Variants in SLC30A10 observed in about 807,000 individuals in gnomAD.
SLC30A10 encodes the protein calcium/manganese antiporter SLC30A10.
In SLC30A10, 8 loss-of-function variants were observed where a neutral mutation model predicts 21.7. The observed-to-expected ratio is 0.37, with a 90% CI of 0.22 to 0.67. The LOEUF (loss-of-function observed/expected upper bound fraction) is 0.67, where lower values mean the gene tolerates loss of function less well. SLC30A10 is among the 30% of genes least tolerant of loss of function. The pLI is 0.58. For synonymous variants in SLC30A10, 272 were observed against 279.4 expected (o/e 0.97, Z 0.26); for missense variants, 521 against 642.5 (o/e 0.81, Z 2.04).
At chr1:219,922,190 T>TG (rs1558252142) in intron 2 of SLC30A10, among the ~76,000 whole-genome samples, 569 of 17,216 alleles carry the variant, frequency 0.033, 4 homozygotes, top group Non-Finnish European at 0.056. Flanking sequence ...TTTTTTTTTT[T>TG]TTTTTTTTTT....
chr1:219,949,722 C>T (rs2647476), intron 1 of SLC30A10, among the ~76,000 whole-genome samples: 51,578 of 150,784 alleles, frequency 0.34, 9,203 homozygotes, highest in Non-Finnish European at 0.4. Context: ...GCACATTGTG[C>T]ACATGTACCC....
At chr1:219,950,576 T>C (rs1219451369) in intron 1 of SLC30A10, among the ~76,000 whole-genome samples, 2 of 150,286 alleles carry the variant, frequency 1.3e-5, no homozygotes, top group African/African-American at 2.5e-5. Context: ...GAGGCAGAGT[T>C]TACAGTGAGC....
intron 3 of SLC30A10, among the ~76,000 whole-genome samples, chr1:219,917,073 T>G (rs1659562033): frequency 6.6e-6 from 1 of 151,070 alleles, no homozygotes; most frequent in Non-Finnish European, 1.5e-5. Context: ...AGGGCTCCAG[T>G]GATCCTCCCA....
chr1:219,937,104 CTTAGA>C (rs1309517003), intron 1 of SLC30A10, among the ~76,000 whole-genome samples: 1 of 152,100 alleles, frequency 6.6e-6, no homozygotes, highest in Non-Finnish European at 1.5e-5. Flanking sequence ...ATGAGCAAAA[CTTAGA>C]TTAGATGGGT....
chr1:219,946,432 G>C (rs911880401), intron 1 of SLC30A10, among the ~76,000 whole-genome samples: 16 of 152,308 alleles, frequency 1.1e-4, no homozygotes, highest in Admixed American at 8.5e-4. Context: ...TGTTCATCTA[G>C]TCCTTCCAGG....
In SLC30A10 at chr1:219,946,830, C is replaced by T. The variant is rs535270598; in HGVS notation, n.80+11738G>A. The stretch of plus-strand genomic sequence containing the variant: ...GCTACACTCTCCAAAACAGCTTTTA[C>T]CAAAAACACTGAGCTACTATTTTCA... On this transcript the variant is annotated intron_variant and non_coding_transcript_variant, in intron 1 of 8. Coordinates refer to the SLC30A10 transcript ENST00000484239. Among the ~76,000 whole-genome samples the T allele has an allele frequency of 1.6e-4, 24 of 152,274 alleles. No individual in the cohort carries two copies. The South Asian group carries it at 4.8e-3, about 30-fold the overall frequency.
intron 1 of SLC30A10, among the ~76,000 whole-genome samples, chr1:219,946,732 G>A (rs1184489276): frequency 6.6e-6 from 1 of 151,966 alleles, no homozygotes; most frequent in Non-Finnish European, 1.5e-5. Context: ...TCCAGTTGTT[G>A]TGCTCTGCTT....
intron 1 of SLC30A10, among the ~76,000 whole-genome samples, chr1:219,948,902 T>A (rs998072032): frequency 1.1e-4 from 17 of 152,070 alleles, no homozygotes; most frequent in African/African-American, 3.1e-4. Context: ...CAAAAAACTC[T>A]AACAAATTTA....
intron 1 of SLC30A10, among the ~76,000 whole-genome samples, chr1:219,951,538 G>A (rs1239897086): frequency 1.3e-5 from 2 of 151,762 alleles, no homozygotes; most frequent in South Asian, 4.2e-4. Context: ...TGGCTAACAT[G>A]GTGAAACCCC....
Position 219,927,935 on chromosome 1 carries a change from C to A in SLC30A10, c.506G>T (p.Gly169Val). 6.5e-7 allele frequency: 1 copy of A among 1,537,876 alleles called. No individual in the cohort carries two copies. Among genetic ancestry groups the A allele is most frequent in the East Asian group, 2.6e-5 (1 of 39,132 alleles). The change falls in exon 1 of 4, where the codon GGG becomes GTG. Residue 169 changes from glycine (G) to valine (V), a missense_variant. By Grantham distance (109) the Gly-to-Val change is moderately radical. Coordinates refer to ENST00000366926, the MANE Select transcript of SLC30A10 (RefSeq NM_018713.3). ...CCGCGGGTCCTCCGCGCCCTGAGGCCCCCCGAAAGCGCCGGGGACACAGCC... is the reference window on the plus strand; with the variant it reads ...CCGCGGGTCCTCCGCGCCCTGAGGCACCCCGAAAGCGCCGGGGACACAGCC... ...AEGCVPGAFG[G>V]PQGAEDPRRA...
At chr1:219,944,105 A>T (rs1240751090) in intron 1 of SLC30A10, among the ~76,000 whole-genome samples, 1 of 147,966 alleles carries the variant, frequency 6.8e-6, no homozygotes, top group African/African-American at 2.5e-5. Flanking sequence ...TCTCAAAAAA[A>T]AAAAACCTTC....
intron 1 of SLC30A10, among the ~76,000 whole-genome samples, chr1:219,955,972 A>T (rs1015827832): frequency 3.9e-5 from 6 of 152,190 alleles, no homozygotes; most frequent in Admixed American, 3.9e-4. Context: ...GCCAATTGAT[A>T]TCAGGTTAAT....
At chr1:219,952,988 G>A (rs1194875022) in intron 1 of SLC30A10, among the ~76,000 whole-genome samples, 7 of 152,188 alleles carry the variant, frequency 4.6e-5, no homozygotes, top group Admixed American at 1.3e-4. Context: ...TGTCAGGAAC[G>A]TAGCAAAAGA....
rs1474311059 is a variant in SLC30A10 at position 219,925,647 on chromosome 1, ATATAT to A, written c.718+1376_718+1380del. Reference sequence around the variant, plus strand: ...TGTGTGTGTACATATATATATATATATATATTTTTTTTTTTTTTTTTTTTTTGAGA... The same window carrying A: ...TGTGTGTGTACATATATATATATATATTTTTTTTTTTTTTTTTTTTTGAGA... On this transcript the variant is annotated intron_variant, in intron 2 of 3. Transcript: ENST00000366926. 6.2e-4 allele frequency among the ~76,000 whole-genome samples: 42 copies of A among 68,032 alleles called. 1 individual carries two copies. Among genetic ancestry groups the A allele is most frequent in the African/African-American group, 3.1e-3 (37 of 11,948 alleles). 44.6% of individuals were successfully genotyped at this position (68,032 alleles called of 152,430 possible).
At chr1:219,944,465 A>G (rs1282027281) in intron 1 of SLC30A10, among the ~76,000 whole-genome samples, 1 of 152,126 alleles carries the variant, frequency 6.6e-6, no homozygotes, top group Non-Finnish European at 1.5e-5. Context: ...AAACAAAACA[A>G]AACAAAACAA....
chr1:219,925,941 G>A (rs913781778), intron 2 of SLC30A10, among the ~76,000 whole-genome samples: 3 of 151,728 alleles, frequency 2.0e-5, no homozygotes, highest in African/African-American at 2.4e-5. Context: ...GATTACAGGC[G>A]TGAGCCACCG....
chr1:219,938,708 T>G (rs1213101277), intron 1 of SLC30A10, among the ~76,000 whole-genome samples: 14 of 152,216 alleles, frequency 9.2e-5, no homozygotes, highest in Non-Finnish European at 1.3e-4. Context: ...CTTCCAAACC[T>G]AGAAGAGTAA....
At chr1:219,925,478 G>C (rs183412623) in intron 2 of SLC30A10, among the ~76,000 whole-genome samples, 45 of 150,858 alleles carry the variant, frequency 3.0e-4, no homozygotes, top group Non-Finnish European at 2.9e-5. Flanking sequence ...AGGTTGCAGT[G>C]AGCAGAGATG....
chr1:219,928,811 C>A (rs919020676), upstream of SLC30A10, among the ~76,000 whole-genome samples: 13 of 152,196 alleles, frequency 8.5e-5, no homozygotes, highest in East Asian at 1.9e-4. This position sits in a 1 kb window ranked among gnomAD's most constrained non-coding sequence, Gnocchi z 6.3. Flanking sequence ...GGACGTCAAT[C>A]TTCACAGACT....
Sources: allele counts gnomAD v4.1 joint callset (sites outside exome capture counted in the v4.1 genomes callset), GRCh38; gene constraint gnomAD v4.1.1; non-coding constraint Gnocchi (gnomAD v3.1); transcripts MANE v1.5; gene names NCBI Gene and HGNC (gene_info 2026-07-23, HGNC 2026-07-21).